The following TMEM117 variants were observed in gnomAD, a reference collection of about 807,000 sequenced individuals.
TMEM117 encodes transmembrane protein 117.
TMEM117 carries 27 observed loss-of-function variants against 52.4 expected under a neutral mutation model. The ratio of observed to expected loss-of-function variants is 0.51; its 90% confidence interval spans 0.38 to 0.71. The LOEUF (loss-of-function observed/expected upper bound fraction) is 0.71, where lower values mean the gene tolerates loss of function less well. Among genes scored for constraint, TMEM117 ranks in the 30% least tolerant of loss-of-function variants. The pLI is 0.00. For missense variants in TMEM117, 556 were observed against 630.5 expected, an observed-to-expected ratio of 0.88 and a Z score of 1.26; for synonymous variants, 215 against 206.3, an observed-to-expected ratio of 1.04 and a Z score of -0.36.
chr12:43,936,570 G>A (rs140066910), intron 2 of TMEM117, among the ~76,000 whole-genome samples: 2 of 152,214 alleles, frequency 1.3e-5, no homozygotes, highest in East Asian at 3.9e-4. Flanking sequence ...ACAGACCATG[G>A]CACATCATTA....
At position 44,049,914 on chromosome 12, in the gene TMEM117, G is replaced by A. The variant is rs910388486; in HGVS notation, c.411-93611G>A. Among the ~76,000 whole-genome samples, 10 of 152,214 alleles carry A rather than the reference G, an allele frequency of 6.6e-5. 1 individual carries two copies. Among genetic ancestry groups the A allele is most frequent in the Non-Finnish European group, 1.5e-4 (10 of 68,038 alleles). Reference sequence around the variant, plus strand: ...AGCTTTCCCAGAGCAAATAATGATTGATACTTAGTGAGTAATAAAGTTTTA... The same window carrying A: ...AGCTTTCCCAGAGCAAATAATGATTAATACTTAGTGAGTAATAAAGTTTTA... On this transcript the variant is annotated intron_variant, in intron 3 of 7. Coordinates refer to ENST00000266534, the MANE Select transcript of TMEM117 (RefSeq NM_032256.3).
At chr12:43,810,752 T>C in the TMEM117 span, among the ~76,000 whole-genome samples, 4 of 152,162 alleles carry the variant, frequency 2.6e-5, no homozygotes, top group African/African-American at 9.7e-5. Context: ...TGCCTGAAAA[T>C]CATAGCCTCA....
chr12:44,185,869 T>TACACACACACAC (rs3065433), intron 4 of TMEM117, among the ~76,000 whole-genome samples: 60 of 135,112 alleles, frequency 4.4e-4, no homozygotes, highest in African/African-American at 1.2e-3. Flanking sequence ...CTAAAAGACA[T>TACACACACACAC]ACACACACAC....
intron 3 of TMEM117, among the ~76,000 whole-genome samples, chr12:44,056,177 G>A (rs1198021376): frequency 2.6e-5 from 4 of 151,956 alleles, no homozygotes; most frequent in Admixed American, 6.6e-5. Context: ...ATAGCTTACT[G>A]CAGCCTTGAA....
At chr12:44,146,943 A>G (rs1948651093) in intron 4 of TMEM117, among the ~76,000 whole-genome samples, 1 of 152,152 alleles carries the variant, frequency 6.6e-6, no homozygotes, top group Non-Finnish European at 1.5e-5. Flanking sequence ...AAAGATAAGG[A>G]TGGTGTCAAC....
chr12:44,084,585 A>G (rs1339003965), intron 3 of TMEM117, among the ~76,000 whole-genome samples: 1 of 152,168 alleles, frequency 6.6e-6, no homozygotes, highest in Non-Finnish European at 1.5e-5. Flanking sequence ...CCTCATCTGT[A>G]TCAGAAAAGG....
chr12:44,394,172 G>A (rs1047584658), downstream of TMEM117, among the ~76,000 whole-genome samples: 2 of 152,132 alleles, frequency 1.3e-5, no homozygotes, highest in Admixed American at 6.6e-5. Flanking sequence ...CCTTATCCAG[G>A]TATCAAGACT....
At chr12:44,294,360 G>T (rs1166884822) in intron 5 of TMEM117, among the ~76,000 whole-genome samples, 1 of 152,116 alleles carries the variant, frequency 6.6e-6, no homozygotes, top group Non-Finnish European at 1.5e-5. Context: ...GCCATCAGTT[G>T]GAACCTGTTT....
At chr12:43,861,863 T>A (rs1387906415) in intron 2 of TMEM117, among the ~76,000 whole-genome samples, 3 of 152,192 alleles carry the variant, frequency 2.0e-5, no homozygotes, top group Non-Finnish European at 4.4e-5. Context: ...GGGGAAAATA[T>A]ACAATTGTGG....
intron 2 of TMEM117, among the ~76,000 whole-genome samples, chr12:43,855,260 C>CT (rs1168477930): frequency 6.6e-6 from 1 of 151,150 alleles, no homozygotes; most frequent in Non-Finnish European, 1.5e-5. Context: ...ATAAGCATTT[C>CT]TTTTTTTCTT....
At chr12:43,820,852 A>G in the TMEM117 span, among the ~76,000 whole-genome samples, 1 of 151,934 alleles carries the variant, frequency 6.6e-6, no homozygotes, top group African/African-American at 2.4e-5. Flanking sequence ...CTGTAATCCC[A>G]GCACTTTGGG....
chr12:44,132,447 A>T (rs1948429976), intron 3 of TMEM117, among the ~76,000 whole-genome samples: 1 of 151,858 alleles, frequency 6.6e-6, no homozygotes, highest in South Asian at 2.1e-4. Flanking sequence ...ATTGTGAAAG[A>T]TTTCTACTGA....
intron 3 of TMEM117, among the ~76,000 whole-genome samples, chr12:43,961,325 C>T (rs1300448996): frequency 1.3e-5 from 2 of 152,030 alleles, no homozygotes; most frequent in Non-Finnish European, 2.9e-5. Flanking sequence ...TAATTTATGG[C>T]AATAATATTA....
chr12:43,985,876 A>G (rs1329334603), intron 3 of TMEM117, among the ~76,000 whole-genome samples: 1 of 152,222 alleles, frequency 6.6e-6, no homozygotes, highest in Non-Finnish European at 1.5e-5. Context: ...GGTCCAGAGG[A>G]CATACTTCAA....
intron 2 of TMEM117, among the ~76,000 whole-genome samples, chr12:43,927,134 A>G (rs969487437): frequency 1.3e-5 from 2 of 151,936 alleles, no homozygotes; most frequent in African/African-American, 2.4e-5. Flanking sequence ...CTTAATCTCC[A>G]TTGGGATTTT....
At chr12:44,373,552 A>C (rs74872839) in intron 6 of TMEM117, among the ~76,000 whole-genome samples, 1 of 152,228 alleles carries the variant, frequency 6.6e-6, no homozygotes, top group South Asian at 2.1e-4. Flanking sequence ...CAGGAAATAA[A>C]CCATTTTTGT....
chr12:44,011,802 T>G (rs1199160704), intron 3 of TMEM117, among the ~76,000 whole-genome samples: 2 of 152,174 alleles, frequency 1.3e-5, no homozygotes, highest in Non-Finnish European at 2.9e-5. Flanking sequence ...TCTCAGAATA[T>G]CTTATGGTGT....
At chr12:43,989,786 C>T (rs1020561529) in intron 3 of TMEM117, among the ~76,000 whole-genome samples, 2 of 151,878 alleles carry the variant, frequency 1.3e-5, no homozygotes, top group African/African-American at 4.8e-5. Flanking sequence ...TTAATTTATG[C>T]CTAAAATTTT....
upstream of TMEM117, among the ~76,000 whole-genome samples, chr12:43,833,551 T>C (rs1263811133): frequency 6.6e-6 from 1 of 152,072 alleles, no homozygotes; most frequent in Non-Finnish European, 1.5e-5. Context: ...CCCAGCACTT[T>C]GGGAGGCCGA....
Sources: gnomAD v4.1 joint callset for allele counts (sites outside exome capture counted in the v4.1 genomes callset) on GRCh38, gnomAD v4.1.1 for gene constraint, MANE v1.5 for transcripts, NCBI Gene and HGNC (gene_info 2026-07-23, HGNC 2026-07-21) for gene names.